The following ZNF10 variants were observed in gnomAD, a reference collection of about 807,000 sequenced individuals.
ZNF10 encodes the protein zinc finger protein 10, also known as zinc finger protein 10 (KOX 1).
In ZNF10, 8 loss-of-function variants were observed where a neutral mutation model predicts 12.2. The observed-to-expected ratio is 0.66, with a 90% confidence interval of 0.39 to 1.18. The LOEUF is 1.18. Among genes scored for constraint, ZNF10 ranks in the 50% most tolerant of loss-of-function variants. The pLI, the probability that ZNF10 is intolerant of heterozygous loss-of-function variation, is 0.01. For synonymous variants in ZNF10, 229 were observed against 228.2 expected, an observed-to-expected ratio of 1.00 and a Z score of -0.03; for missense variants, 603 against 678.9, an observed-to-expected ratio of 0.89 and a Z score of 1.24.
chr12:133,154,200 G>A (rs1376132343), intron 4 of ZNF10, among the ~76,000 whole-genome samples: 3 of 152,124 alleles, frequency 2.0e-5, no homozygotes, highest in Admixed American at 2.0e-4. Context: ...GGTATCATCA[G>A]TGTATTTTTT....
At chr12:133,153,741 C>T (rs960775138) in intron 4 of ZNF10, among the ~76,000 whole-genome samples, 8 of 152,160 alleles carry the variant, frequency 5.3e-5, no homozygotes, top group African/African-American at 1.9e-4. Flanking sequence ...TAACAAAGAA[C>T]CAGCAGTTAG....
chr12:133,132,100 A>G (rs1352279790), intron 1 of ZNF10, among the ~76,000 whole-genome samples: 4 of 152,180 alleles, frequency 2.6e-5, no homozygotes, highest in Non-Finnish European at 5.9e-5. Flanking sequence ...TTTATTTTTA[A>G]AAAGTCTTCA....
chr12:133,134,158 A>C (rs1955897507), intron 1 of ZNF10, among the ~76,000 whole-genome samples: 1 of 151,386 alleles, frequency 6.6e-6, no homozygotes, highest in Admixed American at 6.6e-5. Context: ...AAAAAAAAAA[A>C]AAAAATTAGC....
In ZNF10 at chr12:133,146,399, T is replaced by G. The variant is rs560205549; in HGVS notation, c.33+1874T>G. Reference sequence around the variant, plus strand: ...AACAGAGTAGGGTGGAGAGGAAACCTGGAGGGAAGGAGAGAAGATATCCAG... The same window carrying G: ...AACAGAGTAGGGTGGAGAGGAAACCGGGAGGGAAGGAGAGAAGATATCCAG... On this transcript the variant is annotated intron_variant, in intron 2 of 4. Coordinates refer to ENST00000248211, the MANE Select transcript of ZNF10 (RefSeq NM_015394.5). Among the ~76,000 whole-genome samples the G allele has an allele frequency of 1.8e-3, 278 of 152,278 alleles. 2 individuals carry two copies. Among genetic ancestry groups the G allele is most frequent in the African/African-American group, 6.4e-3 (265 of 41,548 alleles).
intron 1 of ZNF10, among the ~76,000 whole-genome samples, chr12:133,137,437 T>C (rs1327933816): frequency 2.0e-5 from 3 of 152,238 alleles, no homozygotes; most frequent in African/African-American, 7.2e-5. Flanking sequence ...CTATATGCAC[T>C]AGAAGTATTG....
chr12:133,144,561 A>G (rs1955965090), intron 2 of ZNF10, 36 bp downstream of exon 2: 1 of 1,606,024 alleles, frequency 6.2e-7, no homozygotes, highest in African/African-American at 1.3e-5. Context: ...CCAACTGGGA[A>G]TTCCTTTTTG....
chr12:133,147,862 A>G (rs564861241), intron 2 of ZNF10, among the ~76,000 whole-genome samples: 7 of 150,528 alleles, frequency 4.7e-5, no homozygotes, highest in African/African-American at 1.7e-4. Context: ...TGCTGAACTC[A>G]GGCAATCCTG....
In ZNF10 at chr12:133,155,971, A is replaced by G. The variant is rs1296351057; in HGVS notation, c.725A>G (p.Asp242Gly). Reference sequence around the variant, plus strand: ...GGTGATAAATCCTACAAATGCCCTGATAATGACAACTCTCTTACTCATGGT... The same window carrying G: ...GGTGATAAATCCTACAAATGCCCTGGTAATGACAACTCTCTTACTCATGGT... Reference protein sequence around the residue: ...HTGDKSYKCPDNDNSLTHGSS... With the variant: ...HTGDKSYKCPGNDNSLTHGSS... Residue 242 changes from aspartate to glycine, a missense_variant, in exon 5 of 5, where the codon GAT becomes GGT. Asp to Gly is a moderately conservative substitution (Grantham distance 94, BLOSUM62 -1). Around this residue, in one of 3 missense-constraint regions of ZNF10, gnomAD observed 393 missense variants for 399.7 expected, o/e 0.98. Transcript: ENST00000248211. 1.2e-6 allele frequency: 2 copies of G among 1,613,976 alleles called. No homozygotes were observed. Among genetic ancestry groups the G allele is most frequent in the Admixed American group, 3.3e-5 (2 of 60,004 alleles).
chr12:133,137,100 A>G (rs1200365104), intron 1 of ZNF10, among the ~76,000 whole-genome samples: 1 of 152,166 alleles, frequency 6.6e-6, no homozygotes, highest in Non-Finnish European at 1.5e-5. Context: ...TCACACCCAC[A>G]TTCAGTCAAA....
intron 1 of ZNF10, 121 bp from the exon 2 acceptor site, chr12:133,144,313 A>C (rs1955963228): frequency 1.4e-5 from 7 of 516,864 alleles, no homozygotes; most frequent in Non-Finnish European, 2.4e-5. Context: ...AATATCTCTG[A>C]TGTTCCTCTG....
At position 133,155,949 on chromosome 12, in the gene ZNF10, G is replaced by A. The variant is rs776122160; in HGVS notation, c.703G>A (p.Asp235Asn). Reference sequence around the variant, plus strand: ...TCAGTTTGCAAGAACTCACACAGGTGATAAATCCTACAAATGCCCTGATAA... The same window carrying A: ...TCAGTTTGCAAGAACTCACACAGGTAATAAATCCTACAAATGCCCTGATAA... ...LIQFARTHTG[D>N]KSYKCPDNDN... Residue 235 changes from aspartate to asparagine, a missense_variant, in exon 5 of 5, where the codon GAT (aspartate) becomes AAT (asparagine). Coordinates refer to ENST00000248211, the MANE Select transcript of ZNF10 (RefSeq NM_015394.5). 3 of 1,614,064 alleles carry A rather than the reference G, an allele frequency of 1.9e-6. No homozygotes were observed. The South Asian group carries it at 3.3e-5, about 18-fold the overall frequency.
intron 1 of ZNF10, 29 bp from the exon 2 acceptor site, chr12:133,144,405 C>T: frequency 2.7e-6 from 4 of 1,465,156 alleles, no homozygotes; most frequent in Non-Finnish European, 3.8e-6. Flanking sequence ...TCATAGCAAA[C>T]TTAACTTATG....
intron 2 of ZNF10, among the ~76,000 whole-genome samples, chr12:133,149,985 TACA>T (rs1955998334): frequency 6.6e-6 from 1 of 152,216 alleles, no homozygotes; most frequent in Admixed American, 6.5e-5. Flanking sequence ...CTAGAAGCCT[TACA>T]ACATGTGGGT....
intron 2 of ZNF10, among the ~76,000 whole-genome samples, chr12:133,149,986 A>T (rs967564864): frequency 6.6e-6 from 1 of 152,196 alleles, no homozygotes; most frequent in Admixed American, 6.5e-5. Context: ...TAGAAGCCTT[A>T]CAACATGTGG....
At position 133,155,497 on chromosome 12, in the gene ZNF10, TTTCAGA is replaced by T; in HGVS notation, c.258_263del (p.Asp86_Ser87del). On this transcript the variant is annotated splice_acceptor_variant and splice_polypyrimidine_tract_variant and coding_sequence_variant and intron_variant, in exon 5 of 5. Transcript: ENST00000248211. LOFTEE classifies it high-confidence loss of function. ...TAGTTACACAAACATTTTTCATTTC[TTTCAGA>T]TTCAGAGACTGCATTTGAAATCAAA... The T allele has an allele frequency of 6.4e-7, 1 of 1,568,124 alleles. No individual in the cohort carries two copies. The highest frequency in any genetic ancestry group is 8.6e-7 in the Non-Finnish European group (1 of 1,162,642).
rs555567095 is a variant in ZNF10, at chr12:133,137,530, C to G, written c.-60+6776C>G. Reference sequence around the variant, plus strand: ...CAACCTCCCTTACCTACCAAACCAGCTCTGACACTCAGCCCATTCCTCCCT... The same window carrying G: ...CAACCTCCCTTACCTACCAAACCAGGTCTGACACTCAGCCCATTCCTCCCT... On this transcript the variant is annotated intron_variant, in intron 1 of 4. Coordinates refer to ENST00000248211, the MANE Select transcript of ZNF10 (RefSeq NM_015394.5). Among the ~76,000 whole-genome samples, 8 of 152,326 alleles carry G rather than the reference C, an allele frequency of 5.3e-5. No individual in the cohort carries two copies. The East Asian group carries it at 1.2e-3, about 22-fold the overall frequency.
chr12:133,138,723 T>C (rs1955927168), intron 1 of ZNF10, among the ~76,000 whole-genome samples: 1 of 152,218 alleles, frequency 6.6e-6, no homozygotes, highest in Non-Finnish European at 1.5e-5. Context: ...CAGCCTTTGC[T>C]TATCTTGAAA....
At chr12:133,137,328 AAG>A (rs1454317432) in intron 1 of ZNF10, among the ~76,000 whole-genome samples, 5 of 152,198 alleles carry the variant, frequency 3.3e-5, no homozygotes, top group Non-Finnish European at 5.9e-5. Context: ...ACATTTAGGA[AAG>A]AGTCCACATT....
Position 133,156,390 on chromosome 12 carries a change from T to A in ZNF10, c.1144T>A (p.Cys382Ser). 1 of 1,613,972 alleles carries A rather than the reference T, an allele frequency of 6.2e-7. No individual in the cohort carries two copies. The highest frequency in any genetic ancestry group is 2.2e-5 in the East Asian group (1 of 44,890). ...TGEKPYECPECGKSFRQSTHL... is the reference protein window; with the variant it reads ...TGEKPYECPESGKSFRQSTHL... ...AGAGAAACCCTATGAATGTCCTGAA[T>A]GTGGGAAATCTTTCAGACAGAGCAC... is the stretch of plus-strand genomic sequence containing the variant. Residue 382 changes from cysteine (C) to serine (S), a missense_variant, in exon 5 of 5, where the codon TGT becomes AGT. Coordinates refer to ENST00000248211, the MANE Select transcript of ZNF10 (RefSeq NM_015394.5).
Sources: gnomAD v4.1 joint callset for allele counts (sites outside exome capture counted in the v4.1 genomes callset) on GRCh38, gnomAD v4.1.1 for gene constraint, gnomAD v4.1.1 regional missense constraint, MANE v1.5 for transcripts, NCBI Gene and HGNC (gene_info 2026-07-23, HGNC 2026-07-21) for gene names.